Variants in SNAPC4 observed in about 807,000 individuals in gnomAD.
SNAPC4 encodes small nuclear RNA activating complex polypeptide 4, also known as snRNA-activating protein complex subunit 4.
A neutral mutation model predicts 151.3 loss-of-function variants in SNAPC4; 127 were observed. The ratio of observed to expected loss-of-function variants is 0.84; its 90% CI spans 0.73 to 0.97. The LOEUF is 0.97. Among genes scored for constraint, SNAPC4 ranks in the 50% least tolerant of loss-of-function variants. The probability of loss-of-function intolerance (pLI) is 0.00; values close to 1 mark genes in which losing one functional copy is unlikely to be tolerated. For missense variants in SNAPC4, 2,186 were observed against 1,935.0 expected (o/e 1.13, Z -2.43); for synonymous variants, 1,002 against 824.4 (o/e 1.22, Z -3.69).
intron 13 of SNAPC4, 58 bp downstream of exon 13, chr9:136,387,427 G>A (rs998250933): frequency 8.2e-7 from 1 of 1,213,202 alleles, no homozygotes. Context: ...CCACACCAGA[G>A]TGCACCTGGT....
At chr9:136,381,442 CAG>C (rs1833688580) in intron 18 of SNAPC4, 50 bp from the exon 19 acceptor site, 1 of 1,500,238 alleles carries the variant, frequency 6.7e-7, no homozygotes. Flanking sequence ...CCCATGGGCA[CAG>C]GGGGATGGGT....
At position 136,392,507 on chromosome 9, in the gene SNAPC4, C is replaced by T; in HGVS notation, c.810+15G>A. 1 of 1,612,768 alleles carries T rather than the reference C, an allele frequency of 6.2e-7. No homozygotes were observed. The highest frequency in any genetic ancestry group is 1.3e-5 in the African/African-American group (1 of 75,052). ...GCTCCAAGCTGCTTGGGGCTCAGAC[C>T]TGCCCCTGACTTACGTTAATATTGG... On this transcript the variant is annotated intron_variant, in intron 9 of 23. Transcript: ENST00000684778.
Position 136,378,110 on chromosome 9 carries a change from C to T in SNAPC4, c.3717G>A (p.Lys1239=), listed in dbSNP as rs773299156. 2 of 1,596,348 alleles carry T rather than the reference C, an allele frequency of 1.3e-6. No homozygotes were observed. The highest frequency in any genetic ancestry group is 1.7e-6 in the Non-Finnish European group (2 of 1,172,676). The part of the protein sequence containing the change: ...QEPRGPLGLE[K]LPLRQPGPEK... ...CAGGCCCAGGCTGGCGCAGGGGCAG[C>T]TTCTCCAGGCCCAGAGGCCCCCTGG... The change falls in exon 22 of 24, where the codon AAG becomes AAA. Residue 1239 remains lysine (K), a synonymous_variant. Transcript: ENST00000684778.
Position 136,386,180 on chromosome 9 carries a change from G to A in SNAPC4, c.1325+1305C>T, listed in dbSNP as rs370781481. ...TTTTTTAATTAACAGCCATCCCAAC[G>A]CGTGTGTGGTTTTGACTTGCACTTC... is the stretch of plus-strand genomic sequence containing the variant. On this transcript the variant is annotated intron_variant, in intron 13 of 23. Transcript: ENST00000684778. Among the ~76,000 whole-genome samples the A allele has an allele frequency of 1.3e-4, 20 of 150,056 alleles. No individual in the cohort carries two copies. The East Asian group carries it at 3.9e-3, about 29-fold the overall frequency.
intron 11 of SNAPC4, 32 bp downstream of exon 11, chr9:136,388,412 G>T: frequency 6.2e-7 from 1 of 1,604,564 alleles, no homozygotes; most frequent in Non-Finnish European, 8.5e-7. Context: ...CCCTGTGACA[G>T]CCTGAGAGCC....
intron 1 of SNAPC4, among the ~76,000 whole-genome samples, chr9:136,399,031 G>C (rs1834364629): frequency 6.6e-6 from 1 of 152,282 alleles, no homozygotes; most frequent in South Asian, 2.1e-4. Context: ...GAACGTGGCA[G>C]TGCCTGACAC....
At chr9:136,390,983 C>T (rs1208288599) in intron 10 of SNAPC4, among the ~76,000 whole-genome samples, 1 of 151,982 alleles carries the variant, frequency 6.6e-6, no homozygotes, top group Non-Finnish European at 1.5e-5. Context: ...TACAGATGCC[C>T]GCCACCACGC....
Position 136,376,387 on chromosome 9 carries a change from C to T in SNAPC4, c.4379G>A (p.Arg1460Lys). 1 of 1,613,388 alleles carries T rather than the reference C, an allele frequency of 6.2e-7. No homozygotes were observed. Among genetic ancestry groups the T allele is most frequent in the Non-Finnish European group, 8.5e-7 (1 of 1,179,952 alleles). Residue 1460 changes from arginine (R) to lysine (K), a missense_variant, in exon 23 of 24, where the codon AGG becomes AAG. By Grantham distance (26) the Arg-to-Lys change is conservative. Coordinates refer to ENST00000684778, the MANE Select transcript of SNAPC4 (RefSeq NM_003086.4). Reference sequence around the variant, plus strand: ...CAGCCGCCTCCGCTTCCGGGTGTGCCTGGCATGCCGGGTTCTGAGCACGTC... The same window carrying T: ...CAGCCGCCTCCGCTTCCGGGTGTGCTTGGCATGCCGGGTTCTGAGCACGTC... ...DLDVLRTRHA[R>K]HTRKRRRLV
At position 136,381,808 on chromosome 9, in the gene SNAPC4, G is replaced by A. The variant is rs748461807; in HGVS notation, c.2317+16C>T. ...CCTCGCCCCCAGGATGCTCCCAGAG[G>A]AGCCCCAGGCCATACCTTGAGTCTG... On this transcript the variant is annotated intron_variant, in intron 18 of 23. Transcript: ENST00000684778. 4.4e-6 allele frequency: 7 copies of A among 1,605,934 alleles called. No individual in the cohort carries two copies. The highest frequency in any genetic ancestry group is 2.2e-5 in the East Asian group (1 of 44,776).
In SNAPC4 at chr9:136,378,544, TCAC is replaced by T; in HGVS notation, c.3280_3282del (p.Val1094del). ...GGGGTCCCTGCTGGCCTGGGAAGGCTCACCACAGCTGGTACAGGAACAGGGAGA... is the reference window on the plus strand; with the variant it reads ...GGGGTCCCTGCTGGCCTGGGAAGGCTCACAGCTGGTACAGGAACAGGGAGA... On this transcript the variant is annotated inframe_deletion, in exon 22 of 24. Coordinates refer to ENST00000684778, the MANE Select transcript of SNAPC4 (RefSeq NM_003086.4). 1 of 1,592,932 alleles carries T rather than the reference TCAC, an allele frequency of 6.3e-7. No homozygotes were observed. The highest frequency in any genetic ancestry group is 8.5e-7 in the Non-Finnish European group (1 of 1,174,390).
At position 136,381,888 on chromosome 9, in the gene SNAPC4, C is replaced by T. The variant is rs1833706805; in HGVS notation, c.2253G>A (p.Trp751Ter). The T allele has an allele frequency of 6.2e-7, 1 of 1,612,838 alleles. No individual in the cohort carries two copies. The highest frequency in any genetic ancestry group is 1.7e-5 in the Admixed American group (1 of 59,998). ...NRRLLLAVTP[W>*]VGDVVVPCTQ... ...TGCAGGGCACGACAACGTCCCCTACCCAAGGGGTCACAGCCAGCAGCAGCC... is the reference window on the plus strand; with the variant it reads ...TGCAGGGCACGACAACGTCCCCTACTCAAGGGGTCACAGCCAGCAGCAGCC... Residue 751 changes from tryptophan (W) to a stop codon, truncating the protein, a stop_gained, in exon 18 of 24, where the codon TGG (tryptophan) becomes TGA (stop). Transcript: ENST00000684778. LOFTEE classifies it high-confidence loss of function.
chr9:136,378,612 A>G lies in SNAPC4; in HGVS notation c.3215T>C (p.Val1072Ala). Reference sequence around the variant, plus strand: ...GAGCACCCAGGTGACAGGCAGGGGGACACTGGTCGCCACATGTGGCCCTCC... The same window carrying G: ...GAGCACCCAGGTGACAGGCAGGGGGGCACTGGTCGCCACATGTGGCCCTCC... The part of the protein sequence containing the change: ...HIGGPHVATS[V>A]PLPVTWVLTA... Residue 1072 changes from valine (V) to alanine (A), a missense_variant, in exon 22 of 24, where the codon GTC becomes GCC. Physicochemically the swap from Val to Ala is moderately conservative, Grantham distance 64 (BLOSUM62 0). Coordinates refer to ENST00000684778, the MANE Select transcript of SNAPC4 (RefSeq NM_003086.4). 1 of 1,571,278 alleles carries G rather than the reference A, an allele frequency of 6.4e-7. No individual in the cohort carries two copies. Among genetic ancestry groups the G allele is most frequent in the South Asian group, 1.2e-5 (1 of 86,012 alleles).
chr9:136,395,557 T>C (rs368026117), intron 4 of SNAPC4, 46 bp downstream of exon 4: 4 of 1,517,504 alleles, frequency 2.6e-6, no homozygotes, highest in Middle Eastern at 1.8e-4. Flanking sequence ...TGGGGGGCTC[T>C]GGGGGTGGGG....
intron 10 of SNAPC4, among the ~76,000 whole-genome samples, chr9:136,391,189 T>C (rs779783571): frequency 6.6e-6 from 1 of 152,230 alleles, no homozygotes; most frequent in Non-Finnish European, 1.5e-5. Flanking sequence ...GAGTAGGCCC[T>C]ACTTACAGAG....
At position 136,383,207 on chromosome 9, in the gene SNAPC4, G is replaced by A. The variant is rs111649638; in HGVS notation, c.1962C>T (p.Gly654=). 1.4e-4 allele frequency: 213 copies of A among 1,547,470 alleles called. No homozygotes were observed. In the African/African-American group the frequency reaches 2.5e-3, roughly 18 times the overall value. The change falls in exon 16 of 24, where the codon GGC becomes GGT. Residue 654 remains glycine, a synonymous_variant. Coordinates refer to ENST00000684778, the MANE Select transcript of SNAPC4 (RefSeq NM_003086.4). The surrounding 1 kb of genome is among the most constrained non-coding windows in gnomAD (Gnocchi z 4.2). ...CTACCTCCAGGGCCTGCTTCTCTGCGCCCGCCGGGCGAGTGTCTGCTGAGT... is the reference window on the plus strand; with the variant it reads ...CTACCTCCAGGGCCTGCTTCTCTGCACCCGCCGGGCGAGTGTCTGCTGAGT... ...ASHSADTRPA[G]AEKQALEGGR...
In SNAPC4 at chr9:136,379,825, A is replaced by G. The variant is rs768690995; in HGVS notation, c.2527+12T>C. ...AGGTCTCTTCCCCACCAGGGCAGAG[A>G]AGCAGAGTTACCTGGGGTGCTCTGG... On this transcript the variant is annotated intron_variant, in intron 21 of 23. Coordinates refer to ENST00000684778, the MANE Select transcript of SNAPC4 (RefSeq NM_003086.4). 3 of 1,612,898 alleles carry G rather than the reference A, an allele frequency of 1.9e-6. No homozygotes were observed. Among genetic ancestry groups the G allele is most frequent in the African/African-American group, 2.7e-5 (2 of 74,898 alleles).
At chr9:136,379,415 A>T in intron 21 of SNAPC4, 116 bp from the exon 22 acceptor site, 1 of 1,483,842 alleles carries the variant, frequency 6.7e-7, no homozygotes, top group Non-Finnish European at 9.1e-7. Flanking sequence ...GTCTTGAGCC[A>T]AGAGAGGGTC....
intron 13 of SNAPC4, among the ~76,000 whole-genome samples, chr9:136,385,539 A>G (rs1008789517): frequency 1.3e-5 from 2 of 150,164 alleles, no homozygotes; most frequent in South Asian, 2.1e-4. Context: ...CGCGGTATTT[A>G]TATGAGAATC....
At chr9:136,390,208 T>TGCAC in intron 10 of SNAPC4, among the ~76,000 whole-genome samples, 1 of 152,258 alleles carries the variant, frequency 6.6e-6, no homozygotes, top group Middle Eastern at 3.4e-3. Flanking sequence ...AAAACCCAGC[T>TGCAC]GCACGCTGCT....
Sources: gnomAD v4.1 joint callset for allele counts (sites outside exome capture counted in the v4.1 genomes callset) on GRCh38, gnomAD v4.1.1 for gene constraint, Gnocchi (gnomAD v3.1) non-coding constraint, MANE v1.5 for transcripts, NCBI Gene and HGNC (gene_info 2026-07-23, HGNC 2026-07-21) for gene names.